PPT2: variants seen among roughly 807,000 people sequenced by gnomAD.
PPT2 encodes lysosomal thioesterase PPT2.
A neutral mutation model predicts 37.3 loss-of-function variants in PPT2; 20 were observed. The observed-to-expected ratio is 0.54, with a 90% CI of 0.38 to 0.78. The LOEUF (loss-of-function observed/expected upper bound fraction) is 0.78. Ranked by LOEUF, PPT2 falls within the 30% of genes least tolerant of loss-of-function variation. The pLI, the probability that PPT2 is intolerant of heterozygous loss-of-function variation, is 0.00. For missense variants in PPT2, 270 were observed against 389.8 expected (o/e 0.69, Z 2.59); for synonymous variants, 135 against 159.1 (o/e 0.85, Z 1.14).
chr6:32,155,758 C>T lies in PPT2; in HGVS notation c.408C>T (p.Ser136=), dbSNP rs1375306560. The T allele has an allele frequency of 6.2e-7, 1 of 1,614,004 alleles. No individual in the cohort carries two copies. Among genetic ancestry groups the T allele is most frequent in the Non-Finnish European group, 8.5e-7 (1 of 1,179,974 alleles). ...ACGTGGATTCTTTCATCTCCCTCTC[C>T]TCTCCACAGATGGGACAGTATGGAG... ...DHNVDSFISL[S]SPQMGQYGDT... is the part of the protein sequence containing the mutation. Residue 136 remains serine (S), a synonymous_variant, in exon 4 of 9, where the codon TCC becomes TCT. Coordinates refer to ENST00000324816, the MANE Select transcript of PPT2 (RefSeq NM_005155.7). This position sits in a 1 kb window ranked among gnomAD's most constrained non-coding sequence, Gnocchi z 4.3.
intron 6 of PPT2, 41 bp from the exon 7 acceptor site, chr6:32,157,799 C>A: frequency 1.3e-6 from 2 of 1,590,214 alleles, no homozygotes; most frequent in Non-Finnish European, 1.7e-6. Flanking sequence ...CCTGGCCTGA[C>A]CCCTGTGGCT....
chr6:32,161,145 A>G (rs988272555), intron 7 of PPT2, among the ~76,000 whole-genome samples: 2 of 152,164 alleles, frequency 1.3e-5, no homozygotes, highest in Admixed American at 6.6e-5. Context: ...ATATTTAAAT[A>G]TAAACATAGA....
At chr6:32,153,766 C>A, upstream of PPT2, 1 of 1,242,070 alleles carries the variant, frequency 8.1e-7, no homozygotes, top group Non-Finnish European at 1.1e-6. The surrounding 1 kb of genome is among the most constrained non-coding windows in gnomAD (Gnocchi z 4.4). Context: ...AGAGGACTAC[C>A]TTTCCCTGGT....
intron 5 of PPT2, chr6:32,157,158 G>A (rs1237779296): frequency 6.3e-6 from 1 of 159,422 alleles, no homozygotes; most frequent in Non-Finnish European, 1.4e-5. Flanking sequence ...TTCAGCCTGG[G>A]TGACGGAGTG....
chr6:32,160,541 C>T (rs1449310486), intron 7 of PPT2, among the ~76,000 whole-genome samples: 1 of 151,526 alleles, frequency 6.6e-6, no homozygotes, highest in Non-Finnish European at 1.5e-5. Flanking sequence ...TGGTGGCGCA[C>T]GCCTGTAGTT....
At chr6:32,153,548 G>C, upstream of PPT2, 1 of 1,522,020 alleles carries the variant, frequency 6.6e-7, no homozygotes, top group South Asian at 1.2e-5. The surrounding 1 kb of genome is among the most constrained non-coding windows in gnomAD (Gnocchi z 4.4). Context: ...AGGAGAAACT[G>C]GGCCAGGCTG....
chr6:32,154,194 A>G lies in PPT2; in HGVS notation c.-219A>G, dbSNP rs572279796. The G allele has an allele frequency of 2.7e-6, 3 of 1,118,960 alleles. No individual in the cohort carries two copies. The highest frequency in any genetic ancestry group is 3.3e-5 in the African/African-American group (2 of 61,256). The allele number at this position is 1,118,960 out of a possible 1,614,324, so 69.3% of individuals were successfully genotyped here. A position where few individuals can be genotyped will look rare whatever the true frequency, so the allele number is the denominator to read the frequency against. ...CCTTCCCCCCGCCACCGTGGGTTCC[A>G]GACTTGGGATAAGTAAACAGCGGGT... On this transcript the variant is annotated 5_prime_UTR_variant, in exon 1 of 9. Coordinates refer to ENST00000324816, the MANE Select transcript of PPT2 (RefSeq NM_005155.7). The surrounding 1 kb of genome is among the most constrained non-coding windows in gnomAD (Gnocchi z 7.3).
At chr6:32,158,436 A>G (rs1783935551) in intron 7 of PPT2, 1 of 153,784 alleles carries the variant, frequency 6.5e-6, no homozygotes, top group Non-Finnish European at 1.4e-5. Flanking sequence ...CCATGGCTCC[A>G]TGGTACTATG....
At position 32,157,685 on chromosome 6, in the gene PPT2, T is replaced by C. The variant is rs56024180; in HGVS notation, c.590T>C (p.Leu197Pro). The stretch of plus-strand genomic sequence containing the variant: ...CTCAATGCCAGCAGCTTCCTGGCCC[T>C]GATCAATGGGGAAAGAGACCATCCC... ...LYLNASSFLA[L>P]INGERDHPNA... is the part of the protein sequence containing the mutation. Residue 197 changes from leucine to proline, a missense_variant, in exon 6 of 9, where the codon CTG becomes CCG. Coordinates refer to ENST00000324816, the MANE Select transcript of PPT2 (RefSeq NM_005155.7). The C allele has an allele frequency of 6.2e-7, 1 of 1,604,990 alleles. No individual in the cohort carries two copies. Among genetic ancestry groups the C allele is most frequent in the Non-Finnish European group, 8.5e-7 (1 of 1,172,422 alleles).
chr6:32,158,968 A>AT (rs1485176742), intron 7 of PPT2, among the ~76,000 whole-genome samples: 1 of 151,476 alleles, frequency 6.6e-6, no homozygotes, highest in Admixed American at 6.6e-5. Context: ...GGCCCTTGAT[A>AT]TTTTTTTTTC....
chr6:32,153,619 A>T, upstream of PPT2: 1 of 1,567,314 alleles, frequency 6.4e-7, no homozygotes, highest in Non-Finnish European at 8.6e-7. This position sits in a 1 kb window ranked among gnomAD's most constrained non-coding sequence, Gnocchi z 4.4. Context: ...CACTACACGC[A>T]CTTCAGAATG....
intron 7 of PPT2, among the ~76,000 whole-genome samples, chr6:32,159,126 C>T (rs1355404299): frequency 2.0e-5 from 3 of 152,054 alleles, no homozygotes; most frequent in Non-Finnish European, 4.4e-5. Context: ...TTTCCCCAAA[C>T]TGAAACCGTA....
chr6:32,158,075 G>A, intron 7 of PPT2, 151 bp downstream of exon 7: 1 of 660,528 alleles, frequency 1.5e-6, no homozygotes, highest in Non-Finnish European at 2.6e-6. Flanking sequence ...CAAAACCTGG[G>A]AGTCATATCC....
Position 32,154,433 on chromosome 6 carries a change from T to G in PPT2, c.-9+29T>G. The G allele has an allele frequency of 6.8e-7, 1 of 1,471,500 alleles. No individual in the cohort carries two copies. Among genetic ancestry groups the G allele is most frequent in the South Asian group, 1.4e-5 (1 of 69,080 alleles). 91.2% of individuals were successfully genotyped at this position (1,471,500 alleles called of 1,614,324 possible). A position where few individuals can be genotyped will look rare whatever the true frequency, so the allele number is the denominator to read the frequency against. ...CGTCAACGTGGTGGGGGGGTGTGTTTGTAGGGAGAGGGCTGGAGTAAGTTA... is the reference window on the plus strand; with the variant it reads ...CGTCAACGTGGTGGGGGGGTGTGTTGGTAGGGAGAGGGCTGGAGTAAGTTA... On this transcript the variant is annotated intron_variant, in intron 1 of 8. Coordinates refer to ENST00000324816, the MANE Select transcript of PPT2 (RefSeq NM_005155.7). This position sits in a 1 kb window ranked among gnomAD's most constrained non-coding sequence, Gnocchi z 7.3.
rs1033624377 is a variant in PPT2, at chr6:32,154,902, G to T, written c.183+125G>T. ...TTCCTCAGGGAGCTGGTGCTGGCGT[G>T]GGGGAGAGTTGGGGGACGGGATCCC... On this transcript the variant is annotated intron_variant, in intron 2 of 8. Coordinates refer to ENST00000324816, the MANE Select transcript of PPT2 (RefSeq NM_005155.7). This position sits in a 1 kb window ranked among gnomAD's most constrained non-coding sequence, Gnocchi z 7.3. 3.3e-6 allele frequency: 5 copies of T among 1,531,410 alleles called. No individual in the cohort carries two copies. Among genetic ancestry groups the T allele is most frequent in the Admixed American group, 1.8e-5 (1 of 56,232 alleles). The allele number at this position is 1,531,410 out of a possible 1,614,324, so 94.9% of individuals were successfully genotyped here. A position where few individuals can be genotyped will look rare whatever the true frequency, so the allele number is the denominator to read the frequency against.
At chr6:32,154,088 G>C (rs1783551176), upstream of PPT2, 1 of 1,089,896 alleles carries the variant, frequency 9.2e-7, no homozygotes, top group Non-Finnish European at 1.1e-6. This position sits in a 1 kb window ranked among gnomAD's most constrained non-coding sequence, Gnocchi z 7.3. Flanking sequence ...AGAAAGCCCC[G>C]GACGTGACGG....
rs535557559 is a variant in PPT2 at position 32,156,607 on chromosome 6, G to A, written c.541+629G>A. The stretch of plus-strand genomic sequence containing the variant: ...TGTGAATGAATGTGCCTGTGTTCCA[G>A]TAAAACTTCATTTACAAAAACAAGT... On this transcript the variant is annotated intron_variant, in intron 5 of 8. Coordinates refer to ENST00000324816, the MANE Select transcript of PPT2 (RefSeq NM_005155.7). This position sits in a 1 kb window ranked among gnomAD's most constrained non-coding sequence, Gnocchi z 4.9. 8.7e-4 allele frequency among the ~76,000 whole-genome samples: 133 copies of A among 152,268 alleles called. No homozygotes were observed. The highest frequency in any genetic ancestry group is 6.8e-3 in the Middle Eastern group (2 of 294).
At position 32,163,211 on chromosome 6, in the gene PPT2, A is replaced by C; in HGVS notation, c.*261A>C. ...TTGCTCCGTGCTGTCCCTTTCTCTC[A>C]AGGCCGAAGTTGGGAAGTGAGAAAC... On this transcript the variant is annotated 3_prime_UTR_variant, in exon 9 of 9. Coordinates refer to ENST00000324816, the MANE Select transcript of PPT2 (RefSeq NM_005155.7). 2.2e-6 allele frequency: 1 copy of C among 457,650 alleles called. No homozygotes were observed. The highest frequency in any genetic ancestry group is 3.8e-6 in the Non-Finnish European group (1 of 261,038). 28.3% of individuals were successfully genotyped at this position (457,650 alleles called of 1,614,324 possible).
At position 32,162,068 on chromosome 6, in the gene PPT2, T is replaced by G. The variant is rs1414716014; in HGVS notation, c.711-500T>G. On this transcript the variant is annotated intron_variant, in intron 7 of 8. Transcript: ENST00000324816. This position sits in a 1 kb window ranked among gnomAD's most constrained non-coding sequence, Gnocchi z 5.5. ...TACAGAAGTGAGGTCGTATCTTCAG[T>G]GTATCACCTCATGAAGTACATTATA... Among the ~76,000 whole-genome samples the G allele has an allele frequency of 6.6e-6, 1 of 152,166 alleles. No homozygotes were observed. The highest frequency in any genetic ancestry group is 1.5e-5 in the Non-Finnish European group (1 of 68,036).
Sources: allele counts gnomAD v4.1 joint callset (sites outside exome capture counted in the v4.1 genomes callset), GRCh38; gene constraint gnomAD v4.1.1; non-coding constraint Gnocchi (gnomAD v3.1); transcripts MANE v1.5; gene names NCBI Gene and HGNC (gene_info 2026-07-23, HGNC 2026-07-21).